The following SCN11A variants were observed in gnomAD, a reference collection of about 807,000 sequenced individuals.
The protein encoded by SCN11A is sodium channel protein type 11 subunit alpha.
Under a neutral mutation model 162.2 loss-of-function variants are expected in SCN11A, and 122 were observed. The ratio of observed to expected loss-of-function variants is 0.75; its 90% confidence interval spans 0.65 to 0.87. SCN11A has a LOEUF of 0.87. Among genes scored for constraint, SCN11A ranks in the 40% least tolerant of loss-of-function variants. SCN11A has a pLI of 0.00. For synonymous variants in SCN11A, 758 were observed against 751.5 expected (o/e 1.01, Z -0.14); for missense variants, 2,015 against 2,181.6 (o/e 0.92, Z 1.52).
chr3:39,041,141 C>T, intron 1 of SCN11A, among the ~76,000 whole-genome samples: 1 of 151,932 alleles, frequency 6.6e-6, no homozygotes, highest in Non-Finnish European at 1.5e-5. Flanking sequence ...TTTGAAATAA[C>T]CCAGTCAGAC....
At chr3:38,922,857 T>C (rs2066075955) in intron 9 of SCN11A, among the ~76,000 whole-genome samples, 1 of 151,978 alleles carries the variant, frequency 6.6e-6, no homozygotes, top group Non-Finnish European at 1.5e-5. Flanking sequence ...TATGTCTATA[T>C]CATCAGCACA....
At chr3:38,919,798 A>T in intron 11 of SCN11A, 137 bp downstream of exon 11, 1 of 675,790 alleles carries the variant, frequency 1.5e-6, no homozygotes. Flanking sequence ...ACAAGTCTAA[A>T]CATGTTTAGA....
intron 2 of SCN11A, among the ~76,000 whole-genome samples, chr3:38,982,420 T>A (rs1310282489): frequency 6.6e-6 from 1 of 152,194 alleles, no homozygotes; most frequent in East Asian, 1.9e-4. Context: ...TCCTTTTTTC[T>A]TAATGGTTTA....
intron 1 of SCN11A, among the ~76,000 whole-genome samples, chr3:39,042,959 A>G (rs561525383): frequency 1.5e-5 from 2 of 132,458 alleles, no homozygotes; most frequent in Admixed American, 1.5e-4. Flanking sequence ...CTCCATCTCA[A>G]AAAAAAAAAA....
chr3:39,003,427 G>T lies in SCN11A; in HGVS notation c.-280+28953C>A, dbSNP rs143434898. 7.9e-3 allele frequency among the ~76,000 whole-genome samples: 1,203 copies of T among 152,242 alleles called. 12 individuals are homozygous for T. Among genetic ancestry groups the T allele is most frequent in the African/African-American group, 0.023 (954 of 41,532 alleles). On this transcript the variant is annotated intron_variant, in intron 2 of 29. Transcript: ENST00000302328. ...GTACCAGATTTTCTTTATCCAATCT[G>T]TCATTGATGGGCATTTGGGTTGATT...
At position 38,872,242 on chromosome 3, in the gene SCN11A, A is replaced by G. The variant is rs766128168; in HGVS notation, c.3446T>C (p.Leu1149Pro). 3 of 1,611,566 alleles carry G rather than the reference A, an allele frequency of 1.9e-6. No homozygotes were observed. The highest frequency in any genetic ancestry group is 2.5e-6 in the Non-Finnish European group (3 of 1,177,826). The change falls in exon 24 of 30, where the codon CTA (leucine) becomes CCA (proline). Residue 1149 changes from leucine to proline, a missense_variant. Coordinates refer to ENST00000302328, the MANE Select transcript of SCN11A (RefSeq NM_001349253.2). The stretch of plus-strand genomic sequence containing the variant: ...CGCACGAAGAGGCCTCAGTGCTCGT[A>G]GAGTCCGGAAGGACTTCAATTCCAT... ...NLMELKSFRT[L>P]RALRPLRALS...
chr3:38,966,309 T>C (rs572171622), intron 2 of SCN11A, among the ~76,000 whole-genome samples: 2 of 152,326 alleles, frequency 1.3e-5, no homozygotes, highest in East Asian at 3.9e-4. Flanking sequence ...CAGTTTCACA[T>C]AACAAAGGAA....
chr3:38,872,028 T>C (rs2065135615), intron 24 of SCN11A, among the ~76,000 whole-genome samples, 165 bp downstream of exon 24: 1 of 152,126 alleles, frequency 6.6e-6, no homozygotes, highest in Admixed American at 6.6e-5. Flanking sequence ...GTAGAAAGTA[T>C]ATCTTAGGCT....
chr3:39,001,856 A>T (rs1405308020), intron 2 of SCN11A, among the ~76,000 whole-genome samples: 1 of 152,104 alleles, frequency 6.6e-6, no homozygotes, highest in Non-Finnish European at 1.5e-5. Context: ...AACACGGTGA[A>T]ACCCCGTCTC....
chr3:38,868,339 C>G (rs957374114), intron 26 of SCN11A, among the ~76,000 whole-genome samples: 1 of 152,194 alleles, frequency 6.6e-6, no homozygotes, highest in African/African-American at 2.4e-5. Flanking sequence ...GACTACCTGA[C>G]TTTAGTCCAA....
At chr3:39,050,559 A>C (rs893040185) in intron 1 of SCN11A, among the ~76,000 whole-genome samples, 7 of 151,954 alleles carry the variant, frequency 4.6e-5, no homozygotes, top group African/African-American at 1.5e-4. Flanking sequence ...CTGCCATCAC[A>C]ATTTTTACTC....
intron 9 of SCN11A, among the ~76,000 whole-genome samples, chr3:38,923,886 G>A (rs1346194966): frequency 6.6e-6 from 1 of 152,138 alleles, no homozygotes; most frequent in East Asian, 1.9e-4. Flanking sequence ...GATTGGATAG[G>A]AAGAACCTCA....
intron 5 of SCN11A, among the ~76,000 whole-genome samples, chr3:38,949,247 C>CT (rs1389796248): frequency 6.6e-6 from 1 of 152,222 alleles, no homozygotes; most frequent in African/African-American, 2.4e-5. Flanking sequence ...GCAAAATCTT[C>CT]TGAGCCTTTC....
chr3:38,987,295 TCTCTCTCTCACACACA>T (rs1383948151), intron 2 of SCN11A, among the ~76,000 whole-genome samples: 3 of 116,492 alleles, frequency 2.6e-5, no homozygotes, highest in East Asian at 4.9e-4. Context: ...TCTCTCTCTC[TCTCTCTCTCACACACA>T]CACACACACA....
intron 7 of SCN11A, among the ~76,000 whole-genome samples, chr3:38,936,685 A>G (rs1242154869): frequency 6.6e-6 from 1 of 151,600 alleles, no homozygotes; most frequent in Non-Finnish European, 1.5e-5. Flanking sequence ...GACCTCTTCA[A>G]GGAGAACTAC....
intron 7 of SCN11A, among the ~76,000 whole-genome samples, chr3:38,934,826 G>A (rs1260954295): frequency 1.3e-5 from 2 of 152,046 alleles, no homozygotes; most frequent in Non-Finnish European, 2.9e-5. Context: ...CAACGAGACA[G>A]AAAGTTAACA....
intron 2 of SCN11A, among the ~76,000 whole-genome samples, chr3:38,971,191 G>C (rs1348826628): frequency 6.6e-6 from 1 of 151,212 alleles, no homozygotes; most frequent in Non-Finnish European, 1.5e-5. Flanking sequence ...GTCTCTGTCT[G>C]CCGCCCAGGT....
intron 7 of SCN11A, among the ~76,000 whole-genome samples, chr3:38,939,080 C>G (rs1008869092): frequency 3.3e-5 from 5 of 151,892 alleles, no homozygotes; most frequent in Non-Finnish European, 7.4e-5. Flanking sequence ...GGCTGAGACA[C>G]AAGAATCTCC....
rs73828705 is a variant in SCN11A, at chr3:38,907,230, T to G, written c.1473+719A>C. Among the ~76,000 whole-genome samples the G allele has an allele frequency of 4.8e-3, 726 of 151,490 alleles. 6 individuals carry two copies. Among genetic ancestry groups the G allele is most frequent in the African/African-American group, 0.017 (695 of 41,254 alleles). On this transcript the variant is annotated intron_variant, in intron 14 of 29. Transcript: ENST00000302328. Reference sequence around the variant, plus strand: ...CCTTAGTGCACAGCAAGTAGGAAATTAGAGGGAAATTATTGTCTTCTGTCT... The same window carrying G: ...CCTTAGTGCACAGCAAGTAGGAAATGAGAGGGAAATTATTGTCTTCTGTCT...
Sources: gnomAD v4.1 joint callset for allele counts (sites outside exome capture counted in the v4.1 genomes callset) on GRCh38, gnomAD v4.1.1 for gene constraint, MANE v1.5 for transcripts, NCBI Gene and HGNC (gene_info 2026-07-23, HGNC 2026-07-21) for gene names.